Variants in GMIP observed in about 807,000 individuals in gnomAD.
GMIP encodes GEM-interacting protein.
GMIP carries 54 observed loss-of-function variants against 105.3 expected under a neutral mutation model. The observed-to-expected ratio is 0.51, with a 90% CI of 0.41 to 0.64. GMIP has a LOEUF of 0.64. Among genes scored for constraint, GMIP ranks in the 30% least tolerant of loss-of-function variants. The pLI, the probability that GMIP is intolerant of heterozygous loss-of-function variation, is 0.00. For missense variants in GMIP, 1,110 were observed against 1,319.4 expected (o/e 0.84, Z 2.46); for synonymous variants, 541 against 560.8 (o/e 0.96, Z 0.50).
rs555721445 is a variant in GMIP, at chr19:19,629,683, T to C, written c.*280A>G. On this transcript the variant is annotated 3_prime_UTR_variant, in exon 21 of 21. Coordinates refer to ENST00000203556, the MANE Select transcript of GMIP (RefSeq NM_016573.4). The stretch of plus-strand genomic sequence containing the variant: ...ACCCCAAGGATCTCATAACCTGCAC[T>C]GACCCTGAGTATTGACCCTGAGTGA... 20 of 460,900 alleles carry C rather than the reference T, an allele frequency of 4.3e-5. No individual in the cohort carries two copies. Among genetic ancestry groups the C allele is most frequent in the African/African-American group, 3.6e-4 (18 of 49,686 alleles). The allele number at this position is 460,900 out of a possible 1,614,324, so 28.6% of individuals were successfully genotyped here.
At position 19,629,881 on chromosome 19, in the gene GMIP, G is replaced by C; in HGVS notation, c.*82C>G. On this transcript the variant is annotated 3_prime_UTR_variant, in exon 21 of 21. Coordinates refer to ENST00000203556, the MANE Select transcript of GMIP (RefSeq NM_016573.4). ...GCATTGAACTCCTGGCGGGGTGTTTGGCCACTAGGTGGTGGGAGGTAGGGA... is the reference window on the plus strand; with the variant it reads ...GCATTGAACTCCTGGCGGGGTGTTTCGCCACTAGGTGGTGGGAGGTAGGGA... 1 of 1,372,482 alleles carries C rather than the reference G, an allele frequency of 7.3e-7. No individual in the cohort carries two copies. Among genetic ancestry groups the C allele is most frequent in the South Asian group, 1.4e-5 (1 of 73,636 alleles). The allele number at this position is 1,372,482 out of a possible 1,614,324, so 85.0% of individuals were successfully genotyped here.
chr19:19,635,842 T>C lies in GMIP; in HGVS notation c.1328-121A>G. 1 of 803,326 alleles carries C rather than the reference T, an allele frequency of 1.2e-6. No homozygotes were observed. The highest frequency in any genetic ancestry group is 1.5e-5 in the South Asian group (1 of 68,962). The allele number at this position is 803,326 out of a possible 1,614,324, so 49.8% of individuals were successfully genotyped here. On this transcript the variant is annotated intron_variant, in intron 13 of 20. Coordinates refer to ENST00000203556, the MANE Select transcript of GMIP (RefSeq NM_016573.4). This position sits in a 1 kb window ranked among gnomAD's most constrained non-coding sequence, Gnocchi z 4.7. ...GAGGTCAGGAGGGGGATTGGACAGG[T>C]CAGTGGTTAAGGGTTGGAGAATTGG...
At position 19,635,496 on chromosome 19, in the gene GMIP, G is replaced by T. The variant is rs1180806048; in HGVS notation, c.1479C>A (p.Thr493=). The stretch of plus-strand genomic sequence containing the variant: ...GGCCCCGCAGTCGCCGCAGCTGGTG[G>T]GTCTGAGCCGCGCTGGACAGTGTCC... ...GKWTLSSAAQ[T]HQLRRLRGPA... The change falls in exon 15 of 21, where the codon ACC becomes ACA. Residue 493 remains threonine (T), a synonymous_variant. Coordinates refer to ENST00000203556, the MANE Select transcript of GMIP (RefSeq NM_016573.4). This position sits in a 1 kb window ranked among gnomAD's most constrained non-coding sequence, Gnocchi z 4.7. The T allele has an allele frequency of 6.2e-7, 1 of 1,612,062 alleles. No homozygotes were observed.
chr19:19,638,582 CTGGACTCTA>C, intron 7 of GMIP, 100 bp from the exon 8 acceptor site: 1 of 944,752 alleles, frequency 1.1e-6, no homozygotes, highest in Non-Finnish European at 1.6e-6. Context: ...TTTGCCACCT[CTGGACTCTA>C]TTTTTTTTTT....
At position 19,629,915 on chromosome 19, in the gene GMIP, TC is replaced by T; in HGVS notation, c.*47del. 1 of 1,559,642 alleles carries T rather than the reference TC, an allele frequency of 6.4e-7. No homozygotes were observed. The highest frequency in any genetic ancestry group is 8.7e-7 in the Non-Finnish European group (1 of 1,152,550). ...GTGGTGGGAGGTAGGGATATATGGG[TC>T]CGTCTTCACAATCTGGGCCTCTTCC... On this transcript the variant is annotated 3_prime_UTR_variant, in exon 21 of 21. Coordinates refer to ENST00000203556, the MANE Select transcript of GMIP (RefSeq NM_016573.4).
At position 19,634,360 on chromosome 19, in the gene GMIP, C is replaced by T; in HGVS notation, c.2084+147G>A. 1 of 992,742 alleles carries T rather than the reference C, an allele frequency of 1.0e-6. No individual in the cohort carries two copies. 61.5% of individuals were successfully genotyped at this position (992,742 alleles called of 1,614,324 possible). ...GAACTGGAGGTCAGGGGTCAGTACC[C>T]AAAGTTATGAATCATGGATTAAGGT... On this transcript the variant is annotated intron_variant, in intron 18 of 20. Coordinates refer to ENST00000203556, the MANE Select transcript of GMIP (RefSeq NM_016573.4). This position sits in a 1 kb window ranked among gnomAD's most constrained non-coding sequence, Gnocchi z 6.1.
chr19:19,634,836 A>T lies in GMIP; in HGVS notation c.1843T>A (p.Ser615Thr), dbSNP rs766047958. 20 of 1,613,876 alleles carry T rather than the reference A, an allele frequency of 1.2e-5. No individual in the cohort carries two copies. The Middle Eastern group carries it at 4.9e-4, about 40-fold the overall frequency. Residue 615 changes from serine to threonine, a missense_variant, in exon 17 of 21, where the codon TCG (serine) becomes ACG (threonine). Around this residue, in one of 3 missense-constraint regions of GMIP, gnomAD observed 49 missense variants for 95.6 expected, o/e 0.51. Coordinates refer to ENST00000203556, the MANE Select transcript of GMIP (RefSeq NM_016573.4). The surrounding 1 kb of genome is among the most constrained non-coding windows in gnomAD (Gnocchi z 6.1). ...GRALVELSGNSPHDVSSVLKR... is the reference protein window; with the variant it reads ...GRALVELSGNTPHDVSSVLKR... ...AGGACACTCGAGACGTCATGAGGCG[A>T]GTTCCCCGACAGCTCCACCAACGCT...
intron 19 of GMIP, among the ~76,000 whole-genome samples, chr19:19,632,890 G>A (rs2061810554): frequency 6.6e-6 from 1 of 152,038 alleles, no homozygotes; most frequent in South Asian, 2.1e-4. Flanking sequence ...TGTTCCCTTT[G>A]CCTGGAACAC....
At position 19,634,196 on chromosome 19, in the gene GMIP, G is replaced by A; in HGVS notation, c.2085-6C>T. 1 of 1,585,800 alleles carries A rather than the reference G, an allele frequency of 6.3e-7. No individual in the cohort carries two copies. The highest frequency in any genetic ancestry group is 8.6e-7 in the Non-Finnish European group (1 of 1,164,434). Reference sequence around the variant, plus strand: ...CCATAAATCGTGCAGCCACCCTGGGGATGGTGTGAAGAGAAAGGTCAGGGT... The same window carrying A: ...CCATAAATCGTGCAGCCACCCTGGGAATGGTGTGAAGAGAAAGGTCAGGGT... On this transcript the variant is annotated splice_polypyrimidine_tract_variant and splice_region_variant and intron_variant, in intron 18 of 20. Coordinates refer to ENST00000203556, the MANE Select transcript of GMIP (RefSeq NM_016573.4). This position sits in a 1 kb window ranked among gnomAD's most constrained non-coding sequence, Gnocchi z 6.1.
intron 7 of GMIP, among the ~76,000 whole-genome samples, chr19:19,639,528 C>T (rs1029322530): frequency 3.3e-5 from 5 of 152,080 alleles, no homozygotes; most frequent in Non-Finnish European, 1.5e-5. Context: ...GAACACTCAG[C>T]ACCTCGTTCC....
chr19:19,638,215 C>G lies in GMIP; in HGVS notation c.733G>C (p.Gly245Arg). 6.3e-7 allele frequency: 1 copy of G among 1,598,620 alleles called. No individual in the cohort carries two copies. Among genetic ancestry groups the G allele is most frequent in the South Asian group, 1.1e-5 (1 of 90,670 alleles). Reference sequence around the variant, plus strand: ...CGCCGCTCCTGCTGCTTGCTAGGTCCCGGCGAGGCCTGGGGGGCCGAGTCC... The same window carrying G: ...CGCCGCTCCTGCTGCTTGCTAGGTCGCGGCGAGGCCTGGGGGGCCGAGTCC... ...PEDSAPQASP[G>R]PSKQQERRRR... Residue 245 changes from glycine to arginine, a missense_variant, in exon 9 of 21, where the codon GGA becomes CGA. Physicochemically the swap from Gly to Arg is moderately radical, Grantham distance 125 (BLOSUM62 -2). Coordinates refer to ENST00000203556, the MANE Select transcript of GMIP (RefSeq NM_016573.4).
chr19:19,629,915 T>G lies in GMIP; in HGVS notation c.*48A>C, dbSNP rs766799883. On this transcript the variant is annotated 3_prime_UTR_variant, in exon 21 of 21. Coordinates refer to ENST00000203556, the MANE Select transcript of GMIP (RefSeq NM_016573.4). ...GTGGTGGGAGGTAGGGATATATGGG[T>G]CCGTCTTCACAATCTGGGCCTCTTC... 2.6e-6 allele frequency: 4 copies of G among 1,559,526 alleles called. No individual in the cohort carries two copies. The highest frequency in any genetic ancestry group is 3.5e-6 in the Non-Finnish European group (4 of 1,152,560).
chr19:19,639,167 C>G (rs1422686016), intron 7 of GMIP, among the ~76,000 whole-genome samples: 1 of 151,426 alleles, frequency 6.6e-6, no homozygotes, highest in African/African-American at 2.4e-5. Context: ...AACTCCTGGC[C>G]TCAAGCAATC....
At chr19:19,638,779 T>C (rs1354319256) in intron 7 of GMIP, among the ~76,000 whole-genome samples, 1 of 131,456 alleles carries the variant, frequency 7.6e-6, no homozygotes. Context: ...CAATTTCTTC[T>C]TTTTTTTTTT....
intron 6 of GMIP, 38 bp downstream of exon 6, chr19:19,640,258 G>T (rs1222987969): frequency 5.6e-6 from 9 of 1,600,830 alleles, no homozygotes; most frequent in Non-Finnish European, 7.7e-6. Flanking sequence ...GGGGTTCTAG[G>T]GGGCTTGGGC....
chr19:19,634,771 C>A lies in GMIP; in HGVS notation c.1887+21G>T, dbSNP rs1027915501. The A allele has an allele frequency of 6.2e-7, 1 of 1,613,250 alleles. No homozygotes were observed. Among genetic ancestry groups the A allele is most frequent in the Non-Finnish European group, 8.5e-7 (1 of 1,179,630 alleles). On this transcript the variant is annotated intron_variant, in intron 17 of 20. Coordinates refer to ENST00000203556, the MANE Select transcript of GMIP (RefSeq NM_016573.4). The surrounding 1 kb of genome is among the most constrained non-coding windows in gnomAD (Gnocchi z 6.1). Reference sequence around the variant, plus strand: ...GTGGAGGGCTCCTGCCCGCGTCCCCCTCAGTGTCCTGAGCACCAACCTCCT... The same window carrying A: ...GTGGAGGGCTCCTGCCCGCGTCCCCATCAGTGTCCTGAGCACCAACCTCCT...
chr19:19,640,927 G>A (rs1444759912), intron 4 of GMIP, among the ~76,000 whole-genome samples: 6 of 151,850 alleles, frequency 4.0e-5, no homozygotes, highest in South Asian at 4.2e-4. Flanking sequence ...CACCATGCCC[G>A]GCTAATTTTT....
rs368761700 is a variant in GMIP at position 19,633,968 on chromosome 19, C to T, written c.2307G>A (p.Pro769=). 844 of 1,475,614 alleles carry T rather than the reference C, an allele frequency of 5.7e-4. 13 individuals carry two copies. In the South Asian group the frequency reaches 9.1e-3, roughly 16 times the overall value. 91.4% of individuals were successfully genotyped at this position (1,475,614 alleles called of 1,614,324 possible). A position where few individuals can be genotyped will look rare whatever the true frequency, so the allele number is the denominator to read the frequency against. The change falls in exon 19 of 21, where the codon CCG becomes CCA. Residue 769 remains proline, a synonymous_variant. Transcript: ENST00000203556. ...MDELPQATEP[P]PQDSSPAPGP... ...CAGGGGCTGGGCTGGAGTCTTGGGG[C>T]GGGGGCTCAGTGGCCTGGGGGAGCT...
At chr19:19,642,240 G>C (rs569406066) in intron 2 of GMIP, among the ~76,000 whole-genome samples, 189 bp from the exon 3 acceptor site, 5 of 152,196 alleles carry the variant, frequency 3.3e-5, no homozygotes, top group Admixed American at 3.3e-4. Context: ...AAAAGCATCT[G>C]AAGGGCCCCA....
Sources: allele counts gnomAD v4.1 joint callset (sites outside exome capture counted in the v4.1 genomes callset), GRCh38; gene constraint gnomAD v4.1.1; regional missense constraint gnomAD v4.1.1; non-coding constraint Gnocchi (gnomAD v3.1); transcripts MANE v1.5; gene names NCBI Gene and HGNC (gene_info 2026-07-23, HGNC 2026-07-21).